The following UMODL1 variants were observed in gnomAD, a reference collection of about 807,000 sequenced individuals.
UMODL1 encodes the protein uromodulin-like 1.
A neutral mutation model predicts 136.3 loss-of-function variants in UMODL1; 128 were observed. The ratio of observed to expected loss-of-function variants is 0.94; its 90% CI spans 0.81 to 1.09. The LOEUF (loss-of-function observed/expected upper bound fraction) is 1.09, where lower values mean the gene tolerates loss of function less well. Ranked by LOEUF, UMODL1 falls within the 50% of genes least tolerant of loss-of-function variation. The pLI is 0.00. For synonymous variants in UMODL1, 721 were observed against 720.0 expected (o/e 1.00, Z -0.02); for missense variants, 1,766 against 1,725.6 (o/e 1.02, Z -0.41).
intron 22 of UMODL1, among the ~76,000 whole-genome samples, chr21:42,140,204 G>A (rs2067260594): frequency 6.6e-6 from 1 of 152,122 alleles, no homozygotes; most frequent in Non-Finnish European, 1.5e-5. Context: ...GTGGGCTGAT[G>A]TTGACAATGT....
chr21:42,102,290 A>G lies in UMODL1; in HGVS notation c.1299+12A>G, dbSNP rs1473746783. On this transcript the variant is annotated intron_variant, in intron 8 of 22. Coordinates refer to ENST00000408910, the MANE Select transcript of UMODL1 (RefSeq NM_001004416.3). ...AACTGCTTCACGAGGTAAAGCCACA[A>G]TGCAGACAGAAATCTTTTCTTGGGT... 6 of 1,570,734 alleles carry G rather than the reference A, an allele frequency of 3.8e-6. No homozygotes were observed. The highest frequency in any genetic ancestry group is 1.4e-5 in the African/African-American group (1 of 74,050).
At chr21:42,100,764 C>T (rs1399747792) in intron 7 of UMODL1, among the ~76,000 whole-genome samples, 1 of 80,850 alleles carries the variant, frequency 1.2e-5, no homozygotes, top group Non-Finnish European at 2.5e-5. Flanking sequence ...CAACCCCATG[C>T]CCTCCTCACC....
Position 42,137,525 on chromosome 21 carries a change from G to A in UMODL1, c.3862G>A (p.Ala1288Thr). The part of the protein sequence containing the change: ...VAIFVLVAGT[A>T]TLLIVRYQRM... ...CATCTTCGTGCTGGTGGCGGGAACA[G>A]CCACCCTTCTGATCGTGCGCTACCA... is the stretch of plus-strand genomic sequence containing the variant. The change falls in exon 22 of 23, where the codon GCC (alanine) becomes ACC (threonine). Residue 1288 changes from alanine (A) to threonine (T), a missense_variant. Ala to Thr is a moderately conservative substitution (Grantham distance 58, BLOSUM62 0). Transcript: ENST00000408910. 6.2e-7 allele frequency: 1 copy of A among 1,614,254 alleles called. No individual in the cohort carries two copies. Among genetic ancestry groups the A allele is most frequent in the Non-Finnish European group, 8.5e-7 (1 of 1,180,048 alleles).
intron 5 of UMODL1, 86 bp downstream of exon 5, chr21:42,088,566 C>G (rs1007413651): frequency 1.5e-6 from 2 of 1,347,424 alleles, no homozygotes; most frequent in Admixed American, 2.6e-5. Flanking sequence ...TAAAGCCAGA[C>G]CAGTCCTTTG....
At chr21:42,108,279 AC>A (rs2066751968) in intron 9 of UMODL1, 1 of 505,928 alleles carries the variant, frequency 2.0e-6, no homozygotes, top group Non-Finnish European at 4.1e-6. Context: ...AACCCGGAGC[AC>A]CCCCAGGAGA....
Position 42,076,094 on chromosome 21 carries a change from A to G in UMODL1, c.166A>G (p.Thr56Ala), listed in dbSNP as rs1013508430. The change falls in exon 2 of 23, where the codon ACG becomes GCG. Residue 56 changes from threonine to alanine, a missense_variant. Physicochemically the swap from Thr to Ala is moderately conservative, Grantham distance 58. Transcript: ENST00000408910. ...QKVEAVQTSY[T>A]SYVSCGGWIP... ...GGTGGAGGCCGTGCAGACGTCCTAC[A>G]CGTCCTATGTGTCCTGCGGCGGCTG... 59 of 1,614,122 alleles carry G rather than the reference A, an allele frequency of 3.7e-5. No individual in the cohort carries two copies. Among genetic ancestry groups the G allele is most frequent in the Non-Finnish European group, 5.0e-5 (59 of 1,180,052 alleles).
intron 9 of UMODL1, chr21:42,108,345 C>T (rs769013717): frequency 5.7e-6 from 3 of 526,650 alleles, no homozygotes; most frequent in Non-Finnish European, 1.2e-5. Context: ...TGGGTTGGCA[C>T]CAGCAGTGTT....
At chr21:42,096,649 G>A (rs898443814) in intron 6 of UMODL1, among the ~76,000 whole-genome samples, 5 of 152,172 alleles carry the variant, frequency 3.3e-5, no homozygotes, top group African/African-American at 7.2e-5. Context: ...CTCTCGCTCT[G>A]CGTCAAGTTT....
Position 42,088,315 on chromosome 21 carries a change from A to G in UMODL1, c.625A>G (p.Met209Val), listed in dbSNP as rs754379402. The change falls in exon 5 of 23, where the codon ATG (methionine) becomes GTG (valine). Residue 209 changes from methionine to valine, a missense_variant. Met to Val is a conservative substitution (Grantham distance 21). Coordinates refer to ENST00000408910, the MANE Select transcript of UMODL1 (RefSeq NM_001004416.3). ...ACAGGTCACCAGCGCCCTGCAACCA[A>G]TGGCCTCCACCGTCCACCACCTGCA... is the stretch of plus-strand genomic sequence containing the variant. ...HSLVTSALQP[M>V]ASTVHHLHSA... 2 of 1,613,208 alleles carry G rather than the reference A, an allele frequency of 1.2e-6. No individual in the cohort carries two copies. The highest frequency in any genetic ancestry group is 1.7e-4 in the Middle Eastern group (1 of 6,052).
intron 2 of UMODL1, among the ~76,000 whole-genome samples, chr21:42,079,911 A>C (rs1286959851): frequency 6.6e-6 from 1 of 152,162 alleles, no homozygotes; most frequent in Non-Finnish European, 1.5e-5. Context: ...GGGAGGAGGA[A>C]CATTTCAGGG....
rs777468513 is a variant in UMODL1, at chr21:42,084,065, T to C, written c.320-19T>C. Reference sequence around the variant, plus strand: ...TGTCTTTTATCGCCAGTATCATTAATTGTATCATTTTCTCCCAGCCCTGAA... The same window carrying C: ...TGTCTTTTATCGCCAGTATCATTAACTGTATCATTTTCTCCCAGCCCTGAA... On this transcript the variant is annotated intron_variant, in intron 2 of 22. Coordinates refer to ENST00000408910, the MANE Select transcript of UMODL1 (RefSeq NM_001004416.3). The C allele has an allele frequency of 1.9e-6, 3 of 1,608,906 alleles. No individual in the cohort carries two copies. Among genetic ancestry groups the C allele is most frequent in the East Asian group, 2.2e-5 (1 of 44,746 alleles).
In UMODL1 at chr21:42,123,438, C is replaced by T. The variant is rs773812996; in HGVS notation, c.3147+288C>T. 9.2e-5 allele frequency among the ~76,000 whole-genome samples: 14 copies of T among 152,056 alleles called. No individual in the cohort carries two copies. The highest frequency in any genetic ancestry group is 2.9e-5 in the Non-Finnish European group (2 of 67,998). ...ACAGACAGGATGAGAGGCAGTGGGA[C>T]AGGAAGAGGCAGGAAAGCCAAGGAG... is the stretch of plus-strand genomic sequence containing the variant. On this transcript the variant is annotated intron_variant, in intron 17 of 22. Transcript: ENST00000408910. The surrounding 1 kb of genome is among the most constrained non-coding windows in gnomAD (Gnocchi z 4.4).
chr21:42,114,302 T>C (rs1043112692), intron 13 of UMODL1, among the ~76,000 whole-genome samples: 5 of 152,242 alleles, frequency 3.3e-5, no homozygotes, highest in Admixed American at 6.5e-5. Context: ...TGAGCAATAA[T>C]GAATCAAACA....
upstream of UMODL1, among the ~76,000 whole-genome samples, chr21:42,069,217 AAC>A (rs1418526075): frequency 1.2e-5 from 1 of 81,822 alleles, no homozygotes; most frequent in Non-Finnish European, 2.9e-5. Context: ...CCATGGACAA[AAC>A]ACAGACAGAA....
intron 17 of UMODL1, among the ~76,000 whole-genome samples, chr21:42,125,434 C>G (rs906732380): frequency 6.6e-6 from 1 of 152,152 alleles, no homozygotes. Flanking sequence ...CTCACTCTGC[C>G]GAGCTCATTC....
intron 5 of UMODL1, among the ~76,000 whole-genome samples, chr21:42,089,496 G>A (rs1055773244): frequency 8.5e-5 from 13 of 152,226 alleles, no homozygotes; most frequent in Admixed American, 2.6e-4. Context: ...TTTATTATTC[G>A]AGGCAGCGAG....
intron 9 of UMODL1, among the ~76,000 whole-genome samples, chr21:42,106,409 ATGT>A (rs1422723802): frequency 1.3e-5 from 2 of 152,366 alleles, no homozygotes; most frequent in South Asian, 4.1e-4. Context: ...CCTAGAAATA[ATGT>A]TGTTGGCACA....
At chr21:42,096,424 A>G (rs2066558267) in intron 6 of UMODL1, among the ~76,000 whole-genome samples, 1 of 152,182 alleles carries the variant, frequency 6.6e-6, no homozygotes, top group African/African-American at 2.4e-5. Flanking sequence ...CTTAATTTAA[A>G]GAGTAAATAT....
Position 42,123,219 on chromosome 21 carries a change from G to GAGGCCC in UMODL1, c.3147+70_3147+71insGGCCCA. 1 of 1,503,368 alleles carries GAGGCCC rather than the reference G, an allele frequency of 6.7e-7. No homozygotes were observed. The highest frequency in any genetic ancestry group is 9.0e-7 in the Non-Finnish European group (1 of 1,113,930). 93.1% of individuals were successfully genotyped at this position (1,503,368 alleles called of 1,614,324 possible). ...AGGGGCTCTAGGTTACATGGGCCTC[G>GAGGCCC]ATGTGGGAGGGCCAGGCAAGACTCT... On this transcript the variant is annotated intron_variant, in intron 17 of 22. Coordinates refer to ENST00000408910, the MANE Select transcript of UMODL1 (RefSeq NM_001004416.3). This position sits in a 1 kb window ranked among gnomAD's most constrained non-coding sequence, Gnocchi z 4.4.
Sources: gnomAD v4.1 joint callset for allele counts (sites outside exome capture counted in the v4.1 genomes callset) on GRCh38, gnomAD v4.1.1 for gene constraint, Gnocchi (gnomAD v3.1) non-coding constraint, MANE v1.5 for transcripts, NCBI Gene and HGNC (gene_info 2026-07-23, HGNC 2026-07-21) for gene names.